Variants in SLC2A13 observed in about 807,000 individuals in gnomAD.
The protein encoded by SLC2A13 is proton myo-inositol cotransporter.
Under a neutral mutation model 64.4 loss-of-function variants are expected in SLC2A13, and 32 were observed. The ratio of observed to expected loss-of-function variants is 0.50; its 90% CI spans 0.37 to 0.67. The LOEUF (loss-of-function observed/expected upper bound fraction) is 0.67. Ranked by LOEUF, SLC2A13 falls within the 30% of genes least tolerant of loss-of-function variation. The pLI, the probability that SLC2A13 is intolerant of heterozygous loss-of-function variation, is 0.00. For missense variants in SLC2A13, 743 were observed against 829.2 expected, an observed-to-expected ratio of 0.90 and a Z score of 1.28; for synonymous variants, 338 against 327.1, an observed-to-expected ratio of 1.03 and a Z score of -0.36.
At chr12:39,786,230 C>A (rs1335300594) in intron 7 of SLC2A13, among the ~76,000 whole-genome samples, 5 of 152,218 alleles carry the variant, frequency 3.3e-5, no homozygotes, top group African/African-American at 9.6e-5. Context: ...GTAATTGAAT[C>A]ATGGGGGCTG....
At chr12:39,817,414 G>A (rs1942368395) in intron 7 of SLC2A13, among the ~76,000 whole-genome samples, 2 of 128,736 alleles carry the variant, frequency 1.6e-5, no homozygotes, top group African/African-American at 5.1e-5. Context: ...GCTTCTAGTT[G>A]TGGGTCATCT....
intron 1 of SLC2A13, among the ~76,000 whole-genome samples, chr12:40,051,736 G>T (rs1948259519): frequency 6.6e-6 from 1 of 152,188 alleles, no homozygotes; most frequent in South Asian, 2.1e-4. Context: ...AGGACGAAAA[G>T]CATCCTGCTG....
chr12:39,829,226 A>G (rs1446668824), intron 7 of SLC2A13, among the ~76,000 whole-genome samples: 2 of 151,962 alleles, frequency 1.3e-5, no homozygotes, highest in South Asian at 2.1e-4. Context: ...TCATTTATGC[A>G]TGTACTACAA....
intron 6 of SLC2A13, among the ~76,000 whole-genome samples, chr12:39,860,536 A>G (rs770747298): frequency 3.9e-5 from 6 of 152,190 alleles, no homozygotes; most frequent in Non-Finnish European, 8.8e-5. Flanking sequence ...TACCTATTCA[A>G]TATCCCAGCT....
intron 7 of SLC2A13, among the ~76,000 whole-genome samples, chr12:39,786,434 TC>T: frequency 2.6e-5 from 1 of 39,056 alleles, no homozygotes; most frequent in East Asian, 8.9e-4. Context: ...CTCTTTTTCT[TC>T]CCAGTTTTCA....
At chr12:39,801,116 G>T in intron 7 of SLC2A13, among the ~76,000 whole-genome samples, 1 of 69,938 alleles carries the variant, frequency 1.4e-5, no homozygotes, top group African/African-American at 5.7e-5. Flanking sequence ...GGAGGGGGGA[G>T]GGATAGCATT....
At chr12:40,051,293 C>T (rs1265410061) in intron 1 of SLC2A13, among the ~76,000 whole-genome samples, 1 of 152,132 alleles carries the variant, frequency 6.6e-6, no homozygotes, top group African/African-American at 2.4e-5. Context: ...TATGAAATGA[C>T]ACGGGGTTTT....
chr12:39,902,393 C>T (rs1310866459), intron 4 of SLC2A13, among the ~76,000 whole-genome samples: 3 of 151,752 alleles, frequency 2.0e-5, no homozygotes, highest in African/African-American at 4.8e-5. Context: ...TGTACATACA[C>T]ATGAAGAGAA....
chr12:40,041,114 G>A (rs190156324), intron 2 of SLC2A13, among the ~76,000 whole-genome samples: 52 of 152,144 alleles, frequency 3.4e-4, no homozygotes, highest in Non-Finnish European at 1.5e-4. Flanking sequence ...CACCGCGCCC[G>A]GCTAATTTTA....
At chr12:39,790,491 T>C (rs1379786768) in intron 7 of SLC2A13, among the ~76,000 whole-genome samples, 3 of 151,042 alleles carry the variant, frequency 2.0e-5, no homozygotes, top group African/African-American at 2.4e-5. Context: ...GTTCTTGTGA[T>C]AGTTTGCTGA....
intron 2 of SLC2A13, among the ~76,000 whole-genome samples, chr12:40,033,026 T>C (rs1947927191): frequency 6.6e-6 from 1 of 152,188 alleles, no homozygotes; most frequent in African/African-American, 2.4e-5. Context: ...TAGCACCAGT[T>C]ACCGTGTGCC....
intron 2 of SLC2A13, among the ~76,000 whole-genome samples, chr12:40,038,341 T>C (rs919686600): frequency 3.3e-5 from 5 of 152,222 alleles, no homozygotes; most frequent in Non-Finnish European, 7.4e-5. Context: ...AATTCTGCTG[T>C]GGTCAGGGGG....
chr12:40,099,868 A>C (rs1355735368), intron 1 of SLC2A13, among the ~76,000 whole-genome samples: 3 of 152,108 alleles, frequency 2.0e-5, no homozygotes, highest in Non-Finnish European at 4.4e-5. Flanking sequence ...GCCTTCAAAA[A>C]CAACCAAAAA....
chr12:39,934,524 T>C (rs1945885564), intron 4 of SLC2A13, among the ~76,000 whole-genome samples: 1 of 152,216 alleles, frequency 6.6e-6, no homozygotes, highest in African/African-American at 2.4e-5. Flanking sequence ...ATGTAAAAAC[T>C]GCACTTTCTA....
At chr12:40,076,350 C>T (rs1434567865) in intron 1 of SLC2A13, among the ~76,000 whole-genome samples, 1 of 152,090 alleles carries the variant, frequency 6.6e-6, no homozygotes, top group East Asian at 1.9e-4. Context: ...GTCTACTGTT[C>T]CTCTTTGCAT....
chr12:39,831,026 G>A (rs1014477880), intron 6 of SLC2A13, among the ~76,000 whole-genome samples: 1 of 152,162 alleles, frequency 6.6e-6, no homozygotes, highest in Non-Finnish European at 1.5e-5. Context: ...CCTACATCAT[G>A]CTTATAGAAT....
chr12:39,876,071 T>G (rs1400286671), intron 4 of SLC2A13, among the ~76,000 whole-genome samples: 2 of 152,200 alleles, frequency 1.3e-5, no homozygotes, highest in African/African-American at 2.4e-5. Flanking sequence ...TCAGACAAAC[T>G]ATCATCTTCT....
intron 3 of SLC2A13, among the ~76,000 whole-genome samples, chr12:40,018,287 C>G (rs1244733013): frequency 6.6e-6 from 1 of 152,204 alleles, no homozygotes; most frequent in Non-Finnish European, 1.5e-5. Flanking sequence ...GTGAAGACCA[C>G]TGGCCAAAAA....
chr12:39,992,550 T>TTTGCCAC (rs1419086224), intron 3 of SLC2A13, among the ~76,000 whole-genome samples: 15 of 152,290 alleles, frequency 9.8e-5, no homozygotes, highest in South Asian at 4.2e-4. Flanking sequence ...CCTGTCACTG[T>TTTGCCAC]TTTCCTTCCT....
Sources: gnomAD v4.1 joint callset for allele counts (sites outside exome capture counted in the v4.1 genomes callset) on GRCh38, gnomAD v4.1.1 for gene constraint, MANE v1.5 for transcripts, NCBI Gene and HGNC (gene_info 2026-07-23, HGNC 2026-07-21) for gene names.